The following WNK2 variants were observed in gnomAD, a reference collection of about 807,000 sequenced individuals.
WNK2 encodes serine/threonine-protein kinase WNK2.
A neutral mutation model predicts 192.1 loss-of-function variants in WNK2; 67 were observed. The ratio of observed to expected loss-of-function variants is 0.35; its 90% CI spans 0.29 to 0.43. WNK2 has a LOEUF of 0.43. Ranked by LOEUF, WNK2 falls within the 20% of genes least tolerant of loss-of-function variation. WNK2 has a pLI of 1.00. For missense variants in WNK2, 2,698 were observed against 3,089.7 expected (o/e 0.87, Z 3.01); for synonymous variants, 1,439 against 1,393.9 (o/e 1.03, Z -0.72).
Position 93,280,635 on chromosome 9 carries a change from T to G in WNK2, c.4034-8153T>G, listed in dbSNP as rs1847588963. Among the ~76,000 whole-genome samples the G allele has an allele frequency of 2.0e-5, 3 of 152,196 alleles. No homozygotes were observed. The South Asian group carries it at 6.2e-4, about 31-fold the overall frequency. Reference sequence around the variant, plus strand: ...CCTTCACATTTCTTGAGTTGAAATGTGCAGCTCATGAATGCTTTTGTGTTA... The same window carrying G: ...CCTTCACATTTCTTGAGTTGAAATGGGCAGCTCATGAATGCTTTTGTGTTA... On this transcript the variant is annotated intron_variant, in intron 19 of 29. Coordinates refer to ENST00000427277, the MANE Select transcript of WNK2 (RefSeq NM_006648.4).
chr9:93,195,568 G>A (rs1001851676), intron 2 of WNK2, among the ~76,000 whole-genome samples: 6 of 151,528 alleles, frequency 4.0e-5, no homozygotes, highest in African/African-American at 1.5e-4. Flanking sequence ...GCGTGGTGGC[G>A]GGCGCCTATA....
At chr9:93,286,946 T>A (rs1848526298) in intron 19 of WNK2, among the ~76,000 whole-genome samples, 1 of 152,128 alleles carries the variant, frequency 6.6e-6, no homozygotes, top group South Asian at 2.1e-4. Flanking sequence ...ATGCAGTATC[T>A]AAAACAGTCA....
At chr9:93,215,823 C>T (rs1835642116) in intron 2 of WNK2, among the ~76,000 whole-genome samples, 1 of 152,104 alleles carries the variant, frequency 6.6e-6, no homozygotes, top group African/African-American at 2.4e-5. Flanking sequence ...GTTATCGTCT[C>T]GTTTTTCTTC....
At chr9:93,186,179 A>C (rs1243024546) in intron 2 of WNK2, among the ~76,000 whole-genome samples, 1 of 152,182 alleles carries the variant, frequency 6.6e-6, no homozygotes, top group Admixed American at 6.5e-5. Context: ...TGCCTGGTAG[A>C]GCTCTGGGGA....
In WNK2 at chr9:93,257,400, A is replaced by G. The variant is rs1394878032; in HGVS notation, c.2382+261A>G. Among the ~76,000 whole-genome samples the G allele has an allele frequency of 1.3e-5, 2 of 152,022 alleles. No individual in the cohort carries two copies. Among genetic ancestry groups the G allele is most frequent in the Non-Finnish European group, 2.9e-5 (2 of 67,980 alleles). On this transcript the variant is annotated intron_variant, in intron 11 of 29. Coordinates refer to ENST00000427277, the MANE Select transcript of WNK2 (RefSeq NM_006648.4). This position sits in a 1 kb window ranked among gnomAD's most constrained non-coding sequence, Gnocchi z 4.7. ...GCTTGGCTGCTGTCTCCTGCCCTCC[A>G]GCCTCACCTTCTCTACCAACCTGGC... is the stretch of plus-strand genomic sequence containing the variant.
At chr9:93,227,419 A>G (rs1838014446) in intron 2 of WNK2, among the ~76,000 whole-genome samples, 2 of 151,828 alleles carry the variant, frequency 1.3e-5, no homozygotes, top group Admixed American at 6.6e-5. Context: ...GGCCGTATCC[A>G]TCTTTTAATT....
chr9:93,256,570 G>C (rs1564099727), intron 10 of WNK2, 116 bp downstream of exon 10: 1 of 1,272,284 alleles, frequency 7.9e-7, no homozygotes, highest in Non-Finnish European at 1.0e-6. Flanking sequence ...ATTCTCTGTG[G>C]TTCCCCCAGG....
Position 93,259,670 on chromosome 9 carries a change from C to T in WNK2, c.3066+56C>T, listed in dbSNP as rs978066714. The stretch of plus-strand genomic sequence containing the variant: ...CCCAGCGTCTGGGGACCCTCAGGAC[C>T]CAGAGATGCAAAGGAGGACAGAGGC... On this transcript the variant is annotated intron_variant, in intron 12 of 29. Coordinates refer to ENST00000427277, the MANE Select transcript of WNK2 (RefSeq NM_006648.4). The surrounding 1 kb of genome is among the most constrained non-coding windows in gnomAD (Gnocchi z 4.8). 102 of 1,444,484 alleles carry T rather than the reference C, an allele frequency of 7.1e-5. No individual in the cohort carries two copies. The highest frequency in any genetic ancestry group is 9.1e-5 in the Non-Finnish European group (100 of 1,094,952). The allele number at this position is 1,444,484 out of a possible 1,614,324, so 89.5% of individuals were successfully genotyped here.
chr9:93,299,061 C>G lies in WNK2; in HGVS notation c.5924-9C>G. On this transcript the variant is annotated splice_polypyrimidine_tract_variant and intron_variant, in intron 24 of 29. Coordinates refer to ENST00000427277, the MANE Select transcript of WNK2 (RefSeq NM_006648.4). ...CATCGTGCCTGTCGCCTCTTCTCCC[C>G]CCGCCCAGGTCACTTGGCTGACTCC... 1 of 1,607,578 alleles carries G rather than the reference C, an allele frequency of 6.2e-7. No individual in the cohort carries two copies. Among genetic ancestry groups the G allele is most frequent in the South Asian group, 1.1e-5 (1 of 90,626 alleles).
intron 2 of WNK2, among the ~76,000 whole-genome samples, chr9:93,226,233 T>G (rs1300328234): frequency 6.6e-6 from 1 of 152,236 alleles, no homozygotes; most frequent in Non-Finnish European, 1.5e-5. Flanking sequence ...GGTGGGGTGT[T>G]CATTTACTCT....
At chr9:93,295,274 C>G (rs554928878) in intron 23 of WNK2, among the ~76,000 whole-genome samples, 1 of 152,018 alleles carries the variant, frequency 6.6e-6, no homozygotes, top group Non-Finnish European at 1.5e-5. Context: ...CTGGATAAGA[C>G]GCTCCCCTGC....
rs1829091840 is a variant in WNK2, at chr9:93,185,312, C to T, written c.383C>T (p.Pro128Leu). 2 of 1,514,028 alleles carry T rather than the reference C, an allele frequency of 1.3e-6. No homozygotes were observed. Among genetic ancestry groups the T allele is most frequent in the Non-Finnish European group, 8.8e-7 (1 of 1,135,422 alleles). 93.8% of individuals were successfully genotyped at this position (1,514,028 alleles called of 1,614,324 possible). A position where few individuals can be genotyped will look rare whatever the true frequency, so the allele number is the denominator to read the frequency against. Residue 128 changes from proline to leucine, a missense_variant, in exon 2 of 30, where the codon CCC (proline) becomes CTC (leucine). Pro to Leu is a moderately conservative substitution (Grantham distance 98). This residue lies in a region of WNK2 where 260 missense variants were observed against 285.6 expected (regional missense o/e 0.91). Coordinates refer to ENST00000427277, the MANE Select transcript of WNK2 (RefSeq NM_006648.4). Reference sequence around the variant, plus strand: ...GGCACGCAGGAGCCCGGCCCGGACCCCATCGCAGCCGCTGTCGAAACCGCG... The same window carrying T: ...GGCACGCAGGAGCCCGGCCCGGACCTCATCGCAGCCGCTGTCGAAACCGCG... Reference protein sequence around the residue: ...PVGTQEPGPDPIAAAVETAPA... With the variant: ...PVGTQEPGPDLIAAAVETAPA...
Position 93,259,394 on chromosome 9 carries a change from C to T in WNK2, c.2846C>T (p.Thr949Ile), listed in dbSNP as rs1305638116. The T allele has an allele frequency of 6.2e-7, 1 of 1,601,704 alleles. No individual in the cohort carries two copies. The highest frequency in any genetic ancestry group is 8.5e-7 in the Non-Finnish European group (1 of 1,173,598). ...CAGCCGGCACTGCCTCCACAACCCA[C>T]ACTGCCCCCACAACCCGTGCTGCCC... is the stretch of plus-strand genomic sequence containing the variant. ...PPQPALPPQPTLPPQPVLPPQ... is the reference protein window; with the variant it reads ...PPQPALPPQPILPPQPVLPPQ... The change falls in exon 12 of 30, where the codon ACA becomes ATA. Residue 949 changes from threonine to isoleucine, a missense_variant. Coordinates refer to ENST00000427277, the MANE Select transcript of WNK2 (RefSeq NM_006648.4). The surrounding 1 kb of genome is among the most constrained non-coding windows in gnomAD (Gnocchi z 4.8).
In WNK2 at chr9:93,288,954, T is replaced by C; in HGVS notation, c.4200T>C (p.Ala1400=). 1 of 1,604,840 alleles carries C rather than the reference T, an allele frequency of 6.2e-7. No individual in the cohort carries two copies. Among genetic ancestry groups the C allele is most frequent in the Non-Finnish European group, 8.5e-7 (1 of 1,175,994 alleles). The change falls in exon 20 of 30, where the codon GCT becomes GCC. Residue 1400 remains alanine (A), a synonymous_variant. Transcript: ENST00000427277. ...CTGCTCTGCCCCAAGATGGAGCAGC[T>C]CCAGCCACCAGCACCATGCCAGAGC... ...PVTALPQDGA[A]PATSTMPEPA...
At chr9:93,208,800 G>C (rs1833952778) in intron 2 of WNK2, among the ~76,000 whole-genome samples, 2 of 2,022 alleles carry the variant, frequency 9.9e-4, no homozygotes, top group Non-Finnish European at 4.3e-3. Flanking sequence ...TGCTCTGCAT[G>C]TGTGTTCTGT....
chr9:93,310,955 T>A (rs1430803090), intron 28 of WNK2, among the ~76,000 whole-genome samples: 1 of 152,118 alleles, frequency 6.6e-6, no homozygotes, highest in Non-Finnish European at 1.5e-5. Context: ...CAGAGAAAGA[T>A]CCTGTCTCAA....
intron 29 of WNK2, chr9:93,317,926 C>T (rs749593874): frequency 4.9e-5 from 78 of 1,600,816 alleles, no homozygotes; most frequent in Non-Finnish European, 6.6e-5. Context: ...CCTCCGAGTC[C>T]CCCCCACCGC....
chr9:93,226,096 C>G (rs1362392817), intron 2 of WNK2, among the ~76,000 whole-genome samples: 1 of 152,210 alleles, frequency 6.6e-6, no homozygotes, highest in Non-Finnish European at 1.5e-5. Flanking sequence ...TCTGAGTTAG[C>G]ACTTTGAGGA....
intron 29 of WNK2, chr9:93,318,872 C>G: frequency 7.1e-7 from 1 of 1,398,814 alleles, no homozygotes; most frequent in Non-Finnish European, 9.3e-7. Context: ...CACTGGAAAG[C>G]AGACTGCTTG....
Sources: allele counts gnomAD v4.1 joint callset (sites outside exome capture counted in the v4.1 genomes callset), GRCh38; gene constraint gnomAD v4.1.1; regional missense constraint gnomAD v4.1.1; non-coding constraint Gnocchi (gnomAD v3.1); transcripts MANE v1.5; gene names NCBI Gene and HGNC (gene_info 2026-07-23, HGNC 2026-07-21).